The following MSANTD3 variants were observed in gnomAD, a reference collection of about 807,000 sequenced individuals.
MSANTD3 encodes the protein Myb/SANT DNA binding domain containing 3.
A neutral mutation model predicts 27.7 loss-of-function variants in MSANTD3; 11 were observed. The observed-to-expected ratio is 0.40, with a 90% confidence interval of 0.25 to 0.66. The LOEUF is 0.66. Ranked by LOEUF, MSANTD3 falls within the 30% of genes least tolerant of loss-of-function variation. The pLI, the probability that MSANTD3 is intolerant of heterozygous loss-of-function variation, is 0.41. For missense variants in MSANTD3, 250 were observed against 336.5 expected (o/e 0.74, Z 2.01); for synonymous variants, 131 against 127.2 (o/e 1.03, Z -0.20).
At chr9:100,438,584 C>CA (rs1836533116) in intron 1 of MSANTD3, among the ~76,000 whole-genome samples, 1 of 152,162 alleles carries the variant, frequency 6.6e-6, no homozygotes, top group African/African-American at 2.4e-5. Flanking sequence ...GGCATATTGA[C>CA]ATCTGGAGCA....
At chr9:100,439,528 G>A (rs953032862) in intron 1 of MSANTD3, among the ~76,000 whole-genome samples, 30 of 141,804 alleles carry the variant, frequency 2.1e-4, no homozygotes, top group African/African-American at 7.7e-4. Flanking sequence ...TTTTTTTTTC[G>A]AGACAGAGTC....
At chr9:100,439,366 C>A (rs1389927674) in intron 1 of MSANTD3, among the ~76,000 whole-genome samples, 1 of 152,064 alleles carries the variant, frequency 6.6e-6, no homozygotes, top group Non-Finnish European at 1.5e-5. Flanking sequence ...TCACAGCCTC[C>A]CCTGCTTAAT....
rs936202566 is a variant in MSANTD3 at position 100,448,671 on chromosome 9, T to TA, written c.419-1885dup. 31 of 985,344 alleles carry TA rather than the reference T, an allele frequency of 3.1e-5. No individual in the cohort carries two copies. The African/African-American group carries it at 5.2e-4, about 17-fold the overall frequency. 61.0% of individuals were successfully genotyped at this position (985,344 alleles called of 1,614,324 possible). A position where few individuals can be genotyped will look rare whatever the true frequency, so the allele number is the denominator to read the frequency against. On this transcript the variant is annotated intron_variant, in intron 2 of 2. Coordinates refer to ENST00000395067, the MANE Select transcript of MSANTD3 (RefSeq NM_080655.3). ...AAGCAATCTCTGTCTTCAGAGTACT[T>TA]AGAGACTTGAAAGGGAGGTAAACTG...
chr9:100,430,563 AG>A (rs1836351275), intron 1 of MSANTD3, among the ~76,000 whole-genome samples: 2 of 152,266 alleles, frequency 1.3e-5, no homozygotes, highest in Admixed American at 6.5e-5. Flanking sequence ...GAGGTTTACA[AG>A]GAGGCCTGTG....
intron 1 of MSANTD3, among the ~76,000 whole-genome samples, chr9:100,434,752 G>A (rs1450249471): frequency 6.6e-6 from 1 of 152,102 alleles, no homozygotes; most frequent in Non-Finnish European, 1.5e-5. Context: ...AAGGTGCTTT[G>A]TCCTCTCTTC....
intron 1 of MSANTD3, among the ~76,000 whole-genome samples, chr9:100,432,588 A>G (rs1587782889): frequency 6.6e-6 from 1 of 152,272 alleles, no homozygotes; most frequent in Non-Finnish European, 1.5e-5. Flanking sequence ...AGGTAATTCC[A>G]CAAATATTTA....
intron 1 of MSANTD3, among the ~76,000 whole-genome samples, chr9:100,431,897 A>AC (rs1482958121): frequency 4.6e-5 from 7 of 152,036 alleles, no homozygotes; most frequent in Non-Finnish European, 7.4e-5. Flanking sequence ...ACAGAAGGGG[A>AC]CCTTCTGTTT....
chr9:100,427,325 C>T lies in MSANTD3; in HGVS notation c.-102C>T, dbSNP rs563275299. On this transcript the variant is annotated 5_prime_UTR_variant, in exon 1 of 3. Coordinates refer to ENST00000395067, the MANE Select transcript of MSANTD3 (RefSeq NM_080655.3). Reference sequence around the variant, plus strand: ...GGCCGCCCTGCTTGCGAGAGGAGCCCAGGCCGCCCGCCCTCGCGCCTCGCC... The same window carrying T: ...GGCCGCCCTGCTTGCGAGAGGAGCCTAGGCCGCCCGCCCTCGCGCCTCGCC... 0.044 allele frequency: 6,450 copies of T among 146,248 alleles called. 312 individuals carry two copies. Among genetic ancestry groups the T allele is most frequent in the South Asian group, 0.22 (1,084 of 4,906 alleles). 9.1% of individuals were successfully genotyped at this position (146,248 alleles called of 1,614,324 possible).
chr9:100,431,603 C>T (rs1836379289), intron 1 of MSANTD3, among the ~76,000 whole-genome samples: 1 of 150,582 alleles, frequency 6.6e-6, no homozygotes, highest in Admixed American at 6.6e-5. Context: ...TGCCTGCGTC[C>T]CCACTCCCAA....
chr9:100,431,203 T>A (rs1002999578), intron 1 of MSANTD3, among the ~76,000 whole-genome samples: 1 of 151,928 alleles, frequency 6.6e-6, no homozygotes, highest in Non-Finnish European at 1.5e-5. Context: ...GGTTTTTCCA[T>A]GTTGGTCAGG....
At chr9:100,436,095 G>A (rs1473945574) in intron 1 of MSANTD3, among the ~76,000 whole-genome samples, 1 of 152,154 alleles carries the variant, frequency 6.6e-6, no homozygotes, top group African/African-American at 2.4e-5. Context: ...AACTTCTGTT[G>A]CATCTGGATT....
intron 2 of MSANTD3, chr9:100,448,993 G>A: frequency 1.0e-6 from 1 of 985,280 alleles, no homozygotes. Context: ...TATGAGTTAG[G>A]TTTCCCCCAG....
At position 100,450,981 on chromosome 9, in the gene MSANTD3, C is replaced by G. The variant is rs1367194838; in HGVS notation, c.*15C>G. ...ATTCGCCCTAAGACTTTGGGGGTGG[C>G]TCTCTTGTAATTAATCTGTGTTGGC... On this transcript the variant is annotated 3_prime_UTR_variant, in exon 3 of 3. Transcript: ENST00000395067. 3.2e-6 allele frequency: 5 copies of G among 1,551,214 alleles called. No homozygotes were observed. The South Asian group carries it at 6.4e-5, about 20-fold the overall frequency.
intron 1 of MSANTD3, among the ~76,000 whole-genome samples, chr9:100,431,064 G>A (rs1037157768): frequency 3.4e-4 from 51 of 151,154 alleles, no homozygotes; most frequent in Non-Finnish European, 6.2e-4. Flanking sequence ...GTGCAACGGC[G>A]CAATCTCGGC....
At chr9:100,435,865 A>C (rs1168893199) in intron 1 of MSANTD3, among the ~76,000 whole-genome samples, 1 of 152,226 alleles carries the variant, frequency 6.6e-6, no homozygotes, top group East Asian at 1.9e-4. Flanking sequence ...TTAGGGCTTC[A>C]ACATATGGAT....
At chr9:100,441,298 G>T (rs1836615406) in intron 1 of MSANTD3, among the ~76,000 whole-genome samples, 1 of 152,012 alleles carries the variant, frequency 6.6e-6, no homozygotes, top group Admixed American at 6.6e-5. Flanking sequence ...ATGATTTGGG[G>T]GAATAATCAG....
chr9:100,441,564 G>A (rs142598768), intron 1 of MSANTD3, among the ~76,000 whole-genome samples: 183 of 152,148 alleles, frequency 1.2e-3, no homozygotes, highest in African/African-American at 4.2e-3. Flanking sequence ...GCCTGAACCC[G>A]GGAGGTGGAG....
chr9:100,430,454 G>C (rs1222275811), intron 1 of MSANTD3, among the ~76,000 whole-genome samples: 1 of 151,666 alleles, frequency 6.6e-6, no homozygotes, highest in African/African-American at 2.4e-5. Flanking sequence ...AGAATGAGGG[G>C]CTGGTGGGGG....
In MSANTD3 at chr9:100,450,556, G is replaced by T; in HGVS notation, c.419-1G>T. ...ATATGTTTTCTGCTACTGTTTTTCAGAATCATTTGCTGTTTCAAATAGAGA... is the reference window on the plus strand; with the variant it reads ...ATATGTTTTCTGCTACTGTTTTTCATAATCATTTGCTGTTTCAAATAGAGA... On this transcript the variant is annotated splice_acceptor_variant, in intron 2 of 2. Transcript: ENST00000395067. LOFTEE classifies it high-confidence loss of function. 1.3e-6 allele frequency: 2 copies of T among 1,521,232 alleles called. No homozygotes were observed. Among genetic ancestry groups the T allele is most frequent in the Non-Finnish European group, 8.8e-7 (1 of 1,139,110 alleles). The allele number at this position is 1,521,232 out of a possible 1,614,324, so 94.2% of individuals were successfully genotyped here.
Sources: allele counts gnomAD v4.1 joint callset (sites outside exome capture counted in the v4.1 genomes callset), GRCh38; gene constraint gnomAD v4.1.1; transcripts MANE v1.5; gene names NCBI Gene and HGNC (gene_info 2026-07-23, HGNC 2026-07-21).